LMCD1: variants seen among roughly 807,000 people sequenced by gnomAD.
LMCD1 encodes LIM and cysteine rich domains 1.
Under a neutral mutation model 42.7 loss-of-function variants are expected in LMCD1, and 32 were observed. The observed-to-expected ratio is 0.75, with a 90% CI of 0.57 to 1.01. LMCD1 has a LOEUF of 1.01. Ranked by LOEUF, LMCD1 falls within the 50% of genes least tolerant of loss-of-function variation. The pLI, the probability that LMCD1 is intolerant of heterozygous loss-of-function variation, is 0.00. For synonymous variants in LMCD1, 178 were observed against 184.9 expected, an observed-to-expected ratio of 0.96 and a Z score of 0.30; for missense variants, 458 against 483.1, an observed-to-expected ratio of 0.95 and a Z score of 0.49.
At chr3:8,532,890 C>G (rs1694438961) in intron 2 of LMCD1, 65 bp downstream of exon 2, 2 of 1,360,538 alleles carry the variant, frequency 1.5e-6, no homozygotes, top group Non-Finnish European at 2.1e-6. Context: ...TCGGGGAACC[C>G]TGGTTGCTTT....
intron 5 of LMCD1, 122 bp from the exon 6 acceptor site, chr3:8,567,318 C>G (rs1695145761): frequency 2.0e-6 from 2 of 1,003,778 alleles, no homozygotes; most frequent in Admixed American, 2.5e-5. Context: ...TCCACTAAGG[C>G]TTTAAAAGGT....
chr3:8,506,672 A>G (rs953030516), intron 1 of LMCD1, among the ~76,000 whole-genome samples: 1 of 152,248 alleles, frequency 6.6e-6, no homozygotes, highest in Non-Finnish European at 1.5e-5. Context: ...TTGATAAGTA[A>G]CAGACCTTGA....
chr3:8,573,147 T>G lies in LMCD1; in HGVS notation c.*5549T>G. The stretch of plus-strand genomic sequence containing the variant: ...ATATAGCTTTTCATTAGTGGGGATT[T>G]TGTCAATTATAACCAAAAACAATGT... On this transcript the variant is annotated 3_prime_UTR_variant, in exon 6 of 6. Transcript: ENST00000157600. The G allele has an allele frequency of 6.6e-6, 1 of 152,242 alleles. No homozygotes were observed. Among genetic ancestry groups the G allele is most frequent in the East Asian group, 1.9e-4 (1 of 5,204 alleles). The allele number at this position is 152,242 out of a possible 1,614,324, so 9.4% of individuals were successfully genotyped here. A position where few individuals can be genotyped will look rare whatever the true frequency, so the allele number is the denominator to read the frequency against.
chr3:8,549,668 G>A (rs182633540), intron 4 of LMCD1, among the ~76,000 whole-genome samples: 2 of 152,284 alleles, frequency 1.3e-5, no homozygotes, highest in African/African-American at 4.8e-5. Context: ...GTTACTTATA[G>A]CAGAATACCT....
chr3:8,532,529 C>A (rs1694431472), intron 1 of LMCD1, among the ~76,000 whole-genome samples: 1 of 152,134 alleles, frequency 6.6e-6, no homozygotes, highest in African/African-American at 2.4e-5. Context: ...GAGCCCCACC[C>A]TTCCACAATT....
Position 8,538,864 on chromosome 3 carries a change from G to A in LMCD1, c.387+1424G>A, listed in dbSNP as rs376609686. Among the ~76,000 whole-genome samples, 86 of 152,344 alleles carry A rather than the reference G, an allele frequency of 5.6e-4. 1 individual carries two copies. In the East Asian group the frequency reaches 0.013, roughly 23 times the overall value. On this transcript the variant is annotated intron_variant, in intron 3 of 5. Transcript: ENST00000157600. The stretch of plus-strand genomic sequence containing the variant: ...GTGCAGGGTGCAGGACAGGTGTGAC[G>A]AGTGTTAGTGCAATGTCACCTTTTA...
At chr3:8,506,351 T>A (rs541710613) in intron 1 of LMCD1, among the ~76,000 whole-genome samples, 1 of 152,264 alleles carries the variant, frequency 6.6e-6, no homozygotes, top group South Asian at 2.1e-4. Context: ...GGTTTGATCC[T>A]CTCTTCATGC....
chr3:8,541,729 G>A (rs1694631380), intron 3 of LMCD1, among the ~76,000 whole-genome samples: 1 of 152,226 alleles, frequency 6.6e-6, no homozygotes, highest in African/African-American at 2.4e-5. Context: ...GAGATACCTG[G>A]GAGATTCTGT....
intron 1 of LMCD1, among the ~76,000 whole-genome samples, chr3:8,502,803 T>G (rs1693789957): frequency 6.6e-6 from 1 of 152,094 alleles, no homozygotes; most frequent in South Asian, 2.1e-4. Flanking sequence ...CCTACCTGAA[T>G]GCAGCTGGGA....
chr3:8,504,342 A>C (rs1559342838), intron 1 of LMCD1, among the ~76,000 whole-genome samples: 1 of 152,268 alleles, frequency 6.6e-6, no homozygotes, highest in Non-Finnish European at 1.5e-5. Flanking sequence ...GGGGAGGTTT[A>C]TAACATTTGG....
At chr3:8,550,337 C>T in intron 4 of LMCD1, 1 of 994,184 alleles carries the variant, frequency 1.0e-6, no homozygotes. Context: ...ATAGAAGTCC[C>T]AGCACACGAG....
chr3:8,556,831 C>A (rs1694939623), intron 4 of LMCD1, among the ~76,000 whole-genome samples: 1 of 152,198 alleles, frequency 6.6e-6, no homozygotes, highest in Non-Finnish European at 1.5e-5. Context: ...CTCACTTCAT[C>A]ACATAACCAG....
chr3:8,537,252 C>T lies in LMCD1; in HGVS notation c.199C>T (p.Arg67Trp), dbSNP rs748271539. 100 of 1,613,986 alleles carry T rather than the reference C, an allele frequency of 6.2e-5. No homozygotes were observed. The highest frequency in any genetic ancestry group is 3.0e-4 in the Admixed American group (18 of 59,988). Reference sequence around the variant, plus strand: ...CCTAACATCTGACCTAGAAGACGATCGGAAAATTGGCCGCTTGCTGATGGA... The same window carrying T: ...CCTAACATCTGACCTAGAAGACGATTGGAAAATTGGCCGCTTGCTGATGGA... ...HCLTSDLEDD[R>W]KIGRLLMDSK... Residue 67 changes from arginine (R) to tryptophan (W), a missense_variant, in exon 3 of 6, where the codon CGG becomes TGG. Physicochemically the swap from Arg to Trp is moderately radical, Grantham distance 101 (BLOSUM62 -3). Transcript: ENST00000157600.
chr3:8,537,156 CT>C (rs762134891), intron 2 of LMCD1, 28 bp from the exon 3 acceptor site: 11 of 1,602,380 alleles, frequency 6.9e-6, no homozygotes, highest in Non-Finnish European at 9.4e-6. Flanking sequence ...GGAGGTTAAT[CT>C]CACTGGTCCC....
chr3:8,532,801 C>T lies in LMCD1; in HGVS notation c.107C>T (p.Ser36Leu), dbSNP rs199520704. ...TGTTTGGGATGCAAGGGGACGTGTTCGGGCTTCGAGCCACATTCATGGAGG... is the reference window on the plus strand; with the variant it reads ...TGTTTGGGATGCAAGGGGACGTGTTTGGGCTTCGAGCCACATTCATGGAGG... ...VACLGCKGTC[S>L]GFEPHSWRKI... is the part of the protein sequence containing the mutation. Residue 36 changes from serine (S) to leucine (L), a missense_variant, in exon 2 of 6, where the codon TCG (serine) becomes TTG (leucine). By Grantham distance (145) the Ser-to-Leu change is moderately radical (BLOSUM62 -2). Transcript: ENST00000157600. 1.4e-4 allele frequency: 233 copies of T among 1,613,598 alleles called. 1 individual carries two copies. The Admixed American group carries it at 3.2e-3, about 22-fold the overall frequency.
At chr3:8,543,160 A>G (rs1694660851) in intron 3 of LMCD1, among the ~76,000 whole-genome samples, 1 of 152,168 alleles carries the variant, frequency 6.6e-6, no homozygotes, top group African/African-American at 2.4e-5. Context: ...TGGGCAAGAA[A>G]TAGGAAGGGG....
At chr3:8,567,369 T>C in intron 5 of LMCD1, 71 bp from the exon 6 acceptor site, 1 of 1,504,650 alleles carries the variant, frequency 6.6e-7, no homozygotes, top group Non-Finnish European at 9.1e-7. Flanking sequence ...ACCCTATAAC[T>C]TGTCCTAGAT....
intron 4 of LMCD1, among the ~76,000 whole-genome samples, chr3:8,557,275 T>C (rs572659950): frequency 5.9e-5 from 9 of 152,320 alleles, no homozygotes; most frequent in African/African-American, 2.2e-4. Flanking sequence ...TACATGAGGC[T>C]GCAAAGCAAA....
chr3:8,541,510 C>T (rs1166602416), intron 3 of LMCD1, among the ~76,000 whole-genome samples: 2 of 152,184 alleles, frequency 1.3e-5, no homozygotes, highest in East Asian at 3.9e-4. Flanking sequence ...GATTGTGCCA[C>T]TGCACTCCAG....
Sources: gnomAD v4.1 joint callset for allele counts (sites outside exome capture counted in the v4.1 genomes callset) on GRCh38, gnomAD v4.1.1 for gene constraint, MANE v1.5 for transcripts, NCBI Gene and HGNC (gene_info 2026-07-23, HGNC 2026-07-21) for gene names.